ERC2: variants seen among roughly 807,000 people sequenced by gnomAD.
The protein encoded by ERC2 is ERC protein 2.
Under a neutral mutation model 114.8 loss-of-function variants are expected in ERC2, and 42 were observed. The ratio of observed to expected loss-of-function variants is 0.37; its 90% CI spans 0.29 to 0.47. The LOEUF is 0.47. Among genes scored for constraint, ERC2 ranks in the 20% least tolerant of loss-of-function variants. ERC2 has a pLI of 0.99. For missense variants in ERC2, 939 were observed against 1,150.7 expected (o/e 0.82, Z 2.66); for synonymous variants, 454 against 425.5 (o/e 1.07, Z -0.82).
intron 14 of ERC2, among the ~76,000 whole-genome samples, chr3:55,753,672 T>G (rs1304158384): frequency 1.3e-5 from 2 of 152,200 alleles, no homozygotes; most frequent in Admixed American, 1.3e-4. Context: ...GGGGCAAACA[T>G]AAATTCACGA....
intron 7 of ERC2, among the ~76,000 whole-genome samples, chr3:56,029,925 T>C (rs72867621): frequency 0.017 from 2,568 of 152,206 alleles, 80 homozygotes; most frequent in African/African-American, 0.059. Context: ...ATTCAAGATC[T>C]TTCTTCTTTT....
chr3:56,458,095 C>T (rs937579015), intron 1 of ERC2, among the ~76,000 whole-genome samples: 5 of 152,290 alleles, frequency 3.3e-5, no homozygotes, highest in Admixed American at 1.3e-4. Context: ...ACTTTTACGA[C>T]GACTACATAA....
At chr3:56,136,918 T>C (rs1191229981) in intron 6 of ERC2, among the ~76,000 whole-genome samples, 1 of 152,214 alleles carries the variant, frequency 6.6e-6, no homozygotes, top group African/African-American at 2.4e-5. Context: ...TCTCACTTTC[T>C]CTGCACACGG....
intron 10 of ERC2, among the ~76,000 whole-genome samples, chr3:56,000,536 C>T (rs1332929789): frequency 6.6e-6 from 1 of 152,004 alleles, no homozygotes; most frequent in African/African-American, 2.4e-5. Context: ...AATAAATGTA[C>T]TGGAAAACCT....
intron 10 of ERC2, among the ~76,000 whole-genome samples, chr3:55,998,963 C>A (rs890530221): frequency 2.0e-5 from 3 of 152,176 alleles, no homozygotes; most frequent in African/African-American, 7.2e-5. Context: ...AGCAAGGTTG[C>A]ACCCAGTGCC....
intron 12 of ERC2, among the ~76,000 whole-genome samples, chr3:55,971,076 G>A (rs1427948343): frequency 1.3e-5 from 2 of 152,066 alleles, no homozygotes; most frequent in Admixed American, 6.6e-5. Context: ...AGTAAAAGAA[G>A]TCAGTCACAC....
chr3:56,445,394 T>C (rs960398876), intron 1 of ERC2, among the ~76,000 whole-genome samples: 1 of 152,234 alleles, frequency 6.6e-6, no homozygotes, highest in Non-Finnish European at 1.5e-5. Context: ...ACCTCCAAAA[T>C]TGCTCTTGAA....
intron 17 of ERC2, among the ~76,000 whole-genome samples, chr3:55,553,758 T>C (rs371059342): frequency 1.9e-4 from 29 of 151,846 alleles, no homozygotes; most frequent in African/African-American, 6.8e-4. Context: ...CCAGCCTGGG[T>C]GACAGAGTGA....
At chr3:55,534,511 TGA>T (rs1406819741) in intron 17 of ERC2, among the ~76,000 whole-genome samples, 1 of 150,844 alleles carries the variant, frequency 6.6e-6, no homozygotes, top group Non-Finnish European at 1.5e-5. Context: ...CTGGGCAACA[TGA>T]CGAAAGCCTG....
chr3:56,206,863 C>T (rs963841774), intron 3 of ERC2, among the ~76,000 whole-genome samples: 2 of 152,208 alleles, frequency 1.3e-5, no homozygotes, highest in African/African-American at 4.8e-5. Flanking sequence ...CACTTTTTAA[C>T]ATATTTAAGT....
chr3:56,139,998 T>A (rs576919676), intron 5 of ERC2, among the ~76,000 whole-genome samples: 5 of 152,266 alleles, frequency 3.3e-5, no homozygotes, highest in African/African-American at 1.2e-4. Context: ...ACCAAGTATA[T>A]TACCACCATG....
At chr3:56,239,025 G>A (rs562842408) in intron 3 of ERC2, among the ~76,000 whole-genome samples, 42 of 152,180 alleles carry the variant, frequency 2.8e-4, no homozygotes, top group African/African-American at 8.2e-4. Flanking sequence ...ATAAGGATCC[G>A]CACACATAAA....
chr3:55,747,829 C>A (rs540919293), intron 14 of ERC2, among the ~76,000 whole-genome samples: 122 of 152,348 alleles, frequency 8.0e-4, no homozygotes, highest in Middle Eastern at 3.4e-3. Flanking sequence ...ACACCTGAAG[C>A]CTTGCACTGC....
In ERC2 at chr3:55,725,478, A is replaced by G. The variant is rs115154082; in HGVS notation, c.2712+9293T>C. On this transcript the variant is annotated intron_variant, in intron 15 of 17. Transcript: ENST00000288221. ...GCATTCTCTGATTCCTCCAGCAGGC[A>G]AAGGTTTTTGAACTTCAGTAACATC... is the stretch of plus-strand genomic sequence containing the variant. Among the ~76,000 whole-genome samples, 1,260 of 152,316 alleles carry G rather than the reference A, an allele frequency of 8.3e-3. 25 individuals carry two copies. Among genetic ancestry groups the G allele is most frequent in the African/African-American group, 0.028 (1,182 of 41,572 alleles).
chr3:56,060,596 G>C (rs921072932), intron 7 of ERC2, among the ~76,000 whole-genome samples: 1 of 152,186 alleles, frequency 6.6e-6, no homozygotes, highest in Admixed American at 6.5e-5. Context: ...GGCTAATGAC[G>C]GTGGCAGTGA....
chr3:56,356,092 A>C (rs1191838074), intron 2 of ERC2, among the ~76,000 whole-genome samples: 1 of 152,208 alleles, frequency 6.6e-6, no homozygotes. Context: ...ATCAAATCCA[A>C]GCTGGTTGTG....
chr3:56,053,464 C>G (rs2075864845), intron 7 of ERC2, among the ~76,000 whole-genome samples: 1 of 152,114 alleles, frequency 6.6e-6, no homozygotes, highest in Admixed American at 6.6e-5. Flanking sequence ...CAGGTGGCAC[C>G]CGAGTTACAC....
chr3:55,753,225 TC>T (rs936775655), intron 14 of ERC2, among the ~76,000 whole-genome samples: 22 of 150,572 alleles, frequency 1.5e-4, no homozygotes, highest in Non-Finnish European at 2.5e-4. Flanking sequence ...TCAACATACT[TC>T]CCCCCAATCC....
At chr3:56,184,506 C>T (rs997495405) in intron 3 of ERC2, among the ~76,000 whole-genome samples, 2 of 152,116 alleles carry the variant, frequency 1.3e-5, no homozygotes, top group Non-Finnish European at 1.5e-5. Flanking sequence ...CCATCTAGTG[C>T]CTGATTTGCT....
Sources: gnomAD v4.1 joint callset for allele counts (sites outside exome capture counted in the v4.1 genomes callset) on GRCh38, gnomAD v4.1.1 for gene constraint, MANE v1.5 for transcripts, NCBI Gene and HGNC (gene_info 2026-07-23, HGNC 2026-07-21) for gene names.